OGA: variants seen among roughly 807,000 people sequenced by gnomAD.
The protein encoded by OGA is O-GlcNAcase, also known as protein O-GlcNAcase.
In OGA, 21 loss-of-function variants were observed where a neutral mutation model predicts 102.0. The ratio of observed to expected loss-of-function variants is 0.21; its 90% CI spans 0.15 to 0.30. OGA has a LOEUF of 0.30. OGA is among the 10% of genes least tolerant of loss of function. The pLI is 1.00. For synonymous variants in OGA, 408 were observed against 378.2 expected (o/e 1.08, Z -0.91); for missense variants, 765 against 1,107.8 (o/e 0.69, Z 4.39).
intron 1 of OGA, among the ~76,000 whole-genome samples, chr10:101,817,285 G>A (rs1000059290): frequency 2.0e-5 from 3 of 152,194 alleles, no homozygotes; most frequent in Non-Finnish European, 2.9e-5. Flanking sequence ...AGCTGGGAAA[G>A]AGGGCAATTT....
chr10:101,787,097 G>C (rs2065199917), intron 15 of OGA, among the ~76,000 whole-genome samples: 2 of 150,040 alleles, frequency 1.3e-5, no homozygotes, highest in Non-Finnish European at 3.0e-5. Flanking sequence ...GCTCAGGCTG[G>C]TCTCAAACTC....
At chr10:101,789,826 A>G (rs2065235624) in intron 14 of OGA, among the ~76,000 whole-genome samples, 1 of 152,020 alleles carries the variant, frequency 6.6e-6, no homozygotes, top group African/African-American at 2.4e-5. Flanking sequence ...AAATACAAAA[A>G]AGTTAGCTGA....
intron 5 of OGA, 84 bp from the exon 6 acceptor site, chr10:101,806,227 A>C (rs1296094125): frequency 1.5e-5 from 13 of 839,678 alleles, no homozygotes; most frequent in Non-Finnish European, 2.5e-5. Context: ...TTTGAGACGG[A>C]GTCTCACTCT....
At chr10:101,805,328 AT>A (rs2065453717) in intron 6 of OGA, among the ~76,000 whole-genome samples, 1 of 152,166 alleles carries the variant, frequency 6.6e-6, no homozygotes, top group Non-Finnish European at 1.5e-5. Flanking sequence ...TATTAAGAGA[AT>A]ATGTAAACTT....
chr10:101,791,287 C>G, intron 13 of OGA, 67 bp downstream of exon 13: 7 of 1,352,006 alleles, frequency 5.2e-6, no homozygotes, highest in Non-Finnish European at 7.3e-6. Context: ...CCAGTCATCA[C>G]CTCCCCTCAA....
chr10:101,800,814 AC>A (rs1268912917), intron 7 of OGA, among the ~76,000 whole-genome samples: 2 of 134,424 alleles, frequency 1.5e-5, no homozygotes, highest in Non-Finnish European at 3.1e-5. Context: ...TCACCCCATC[AC>A]CCAGGCTGGA....
chr10:101,792,706 T>C (rs1342546871), intron 12 of OGA, 133 bp downstream of exon 12: 2 of 625,064 alleles, frequency 3.2e-6, no homozygotes, highest in East Asian at 5.3e-5. Flanking sequence ...ACACTGAATG[T>C]TTTAATGAAC....
At chr10:101,813,964 G>A (rs746624484) in intron 1 of OGA, among the ~76,000 whole-genome samples, 40 of 151,914 alleles carry the variant, frequency 2.6e-4, no homozygotes, top group Middle Eastern at 3.4e-3. Context: ...AATGGGGAAC[G>A]GCAGCAATGT....
intron 10 of OGA, chr10:101,795,790 T>C (rs986575600): frequency 1.8e-6 from 1 of 568,194 alleles, no homozygotes; most frequent in African/African-American, 2.0e-5. Context: ...AATACACTAA[T>C]GATAGTTGAT....
intron 14 of OGA, 97 bp downstream of exon 14, chr10:101,790,799 A>G (rs1304265527): frequency 1.1e-6 from 1 of 884,822 alleles, no homozygotes; most frequent in Admixed American, 3.4e-5. Context: ...TGATGTATCT[A>G]TGTACTTTTC....
intron 8 of OGA, 44 bp from the exon 9 acceptor site, chr10:101,799,499 A>G: frequency 6.5e-7 from 1 of 1,544,694 alleles, no homozygotes. Flanking sequence ...TCACACAGAT[A>G]ATCAGAATTA....
chr10:101,796,320 G>A (rs1372703891), intron 10 of OGA, among the ~76,000 whole-genome samples: 3 of 152,076 alleles, frequency 2.0e-5, no homozygotes, highest in Non-Finnish European at 2.9e-5. Context: ...GGAGTGCAGT[G>A]ACACAATCTC....
chr10:101,805,985 A>G (rs753628360), intron 6 of OGA, 60 bp downstream of exon 6: 1 of 1,181,548 alleles, frequency 8.5e-7, no homozygotes, highest in Non-Finnish European at 1.3e-6. Context: ...AACAAGAACA[A>G]GCAATTTCTG....
At chr10:101,815,480 T>G (rs919854563) in intron 1 of OGA, among the ~76,000 whole-genome samples, 3 of 151,980 alleles carry the variant, frequency 2.0e-5, no homozygotes, top group Admixed American at 1.3e-4. Flanking sequence ...GAGACAGGGT[T>G]TCGCCATGTT....
At position 101,813,578 on chromosome 10, in the gene OGA, T is replaced by A. The variant is rs749973441; in HGVS notation, c.228A>T (p.Glu76Asp). The change falls in exon 2 of 16, where the codon GAA becomes GAT. Residue 76 changes from glutamate to aspartate, a missense_variant. Physicochemically the swap from Glu to Asp is conservative, Grantham distance 45. This residue lies in a region of OGA where 165 missense variants were observed against 249.7 expected (regional missense o/e 0.66). Transcript: ENST00000361464. Reference sequence around the variant, plus strand: ...ACCTTCTAAAGAGTTCTTTTCTCTGTTCCATAACCCAAGGTCTTCCATAAA... The same window carrying A: ...ACCTTCTAAAGAGTTCTTTTCTCTGATCCATAACCCAAGGTCTTCCATAAA... ...EGFYGRPWVM[E>D]QRKELFRRLQ... The A allele has an allele frequency of 3.2e-6, 5 of 1,560,448 alleles. No individual in the cohort carries two copies. In the South Asian group the frequency reaches 5.7e-5, roughly 18 times the overall value.
intron 4 of OGA, among the ~76,000 whole-genome samples, chr10:101,809,982 G>T (rs1229199208): frequency 6.6e-6 from 1 of 152,072 alleles, no homozygotes; most frequent in Non-Finnish European, 1.5e-5. Context: ...GGCGGAGGAG[G>T]TTGCAGTGAG....
intron 3 of OGA, among the ~76,000 whole-genome samples, chr10:101,810,957 T>C (rs894294126): frequency 6.6e-6 from 1 of 151,704 alleles, no homozygotes. Context: ...TCTTACAGTG[T>C]TGGGATTGCA....
chr10:101,787,279 TC>T, intron 15 of OGA, 84 bp downstream of exon 15: 1 of 1,343,986 alleles, frequency 7.4e-7, no homozygotes, highest in African/African-American at 1.5e-5. Context: ...AATTTACAAT[TC>T]ACTTCTTTCC....
Position 101,790,884 on chromosome 10 carries a change from C to T in OGA, c.2454+12G>A, listed in dbSNP as rs765962181. 3 of 1,560,150 alleles carry T rather than the reference C, an allele frequency of 1.9e-6. No homozygotes were observed. The African/African-American group carries it at 4.1e-5, about 21-fold the overall frequency. On this transcript the variant is annotated intron_variant, in intron 14 of 15. Coordinates refer to ENST00000361464, the MANE Select transcript of OGA (RefSeq NM_012215.5). ...ACCATTACCATAGTATAATTCTTAACCTTTGTATTACCTCAGCCTCAGAGA... is the reference window on the plus strand; with the variant it reads ...ACCATTACCATAGTATAATTCTTAATCTTTGTATTACCTCAGCCTCAGAGA...
Sources: allele counts gnomAD v4.1 joint callset (sites outside exome capture counted in the v4.1 genomes callset), GRCh38; gene constraint gnomAD v4.1.1; regional missense constraint gnomAD v4.1.1; transcripts MANE v1.5; gene names NCBI Gene and HGNC (gene_info 2026-07-23, HGNC 2026-07-21).